The following ERCC3 variants were observed in gnomAD, a reference collection of about 807,000 sequenced individuals.
The protein encoded by ERCC3 is general transcription and DNA repair factor IIH helicase/translocase subunit XPB.
ERCC3 carries 66 observed loss-of-function variants against 94.2 expected under a neutral mutation model. That is an observed-to-expected ratio of 0.70 (90% CI 0.57 to 0.86). ERCC3 has a LOEUF of 0.86. Among genes scored for constraint, ERCC3 ranks in the 40% least tolerant of loss-of-function variants. ERCC3 has a pLI of 0.00. For synonymous variants in ERCC3, 349 were observed against 369.1 expected (o/e 0.95, Z 0.63); for missense variants, 829 against 987.1 (o/e 0.84, Z 2.15).
At position 127,289,807 on chromosome 2, in the gene ERCC3, C is replaced by T; in HGVS notation, c.539G>A (p.Cys180Tyr). Residue 180 changes from cysteine to tyrosine, a missense_variant, in exon 5 of 15, where the codon TGC becomes TAC. Transcript: ENST00000285398. ...LKHNRYFVES[C>Y]HPDVIQHLLQ... ...AAGATGCTGGATTACATCAGGGTGG[C>T]AACTTTCAACGAAGTATCTGCAAGC... 2 of 1,614,120 alleles carry T rather than the reference C, an allele frequency of 1.2e-6. No homozygotes were observed. The highest frequency in any genetic ancestry group is 8.5e-7 in the Non-Finnish European group (1 of 1,180,016).
rs55998967 is a variant in ERCC3 at position 127,291,098 on chromosome 2, A to T, written c.472-825T>A. ...CTCCGTCTCAAAAAAAAAGAAAAAA[A>T]AAATTTGCCAGTCAGACTTTGAGGG... On this transcript the variant is annotated intron_variant, in intron 3 of 14. Coordinates refer to ENST00000285398, the MANE Select transcript of ERCC3 (RefSeq NM_000122.2). The surrounding 1 kb of genome is among the most constrained non-coding windows in gnomAD (Gnocchi z 4.9). Among the ~76,000 whole-genome samples, 8 of 151,836 alleles carry T rather than the reference A, an allele frequency of 5.3e-5. No homozygotes were observed. The highest frequency in any genetic ancestry group is 1.9e-4 in the African/African-American group (8 of 41,408).
At chr2:127,270,348 T>C (rs1014810227) in intron 12 of ERCC3, among the ~76,000 whole-genome samples, 3 of 152,202 alleles carry the variant, frequency 2.0e-5, no homozygotes, top group East Asian at 1.9e-4. Flanking sequence ...TTATGACTTA[T>C]AAGCTGAATC....
rs4150399 is a variant in ERCC3 at position 127,293,805 on chromosome 2, G to A, written c.29-87C>T. 1.6e-3 allele frequency: 2,596 copies of A among 1,599,446 alleles called. 33 individuals are homozygous for A. In the African/African-American group the frequency reaches 0.03, roughly 18 times the overall value. Reference sequence around the variant, plus strand: ...TTGGCAGCATTTCACCTGCGCCGCCGCAAACTCCTAGCTAAGAGCCACCTG... The same window carrying A: ...TTGGCAGCATTTCACCTGCGCCGCCACAAACTCCTAGCTAAGAGCCACCTG... On this transcript the variant is annotated intron_variant, in intron 1 of 14. Coordinates refer to ENST00000285398, the MANE Select transcript of ERCC3 (RefSeq NM_000122.2).
At chr2:127,267,932 G>A (rs1346576956) in intron 12 of ERCC3, among the ~76,000 whole-genome samples, 1 of 151,946 alleles carries the variant, frequency 6.6e-6, no homozygotes, top group Admixed American at 6.6e-5. Context: ...AAAGAGACTG[G>A]GTCTCACTAT....
chr2:127,261,352 G>C lies in ERCC3; in HGVS notation c.1946-6C>G, dbSNP rs1684184354. ...GTACTCTTCTGCAACCATCCCTGCA[G>C]GAAAAAATGAGAAACGGCAATAAAG... is the stretch of plus-strand genomic sequence containing the variant. On this transcript the variant is annotated splice_polypyrimidine_tract_variant and splice_region_variant and intron_variant, in intron 12 of 14. Transcript: ENST00000285398. 6.5e-7 allele frequency: 1 copy of C among 1,538,728 alleles called. No individual in the cohort carries two copies. The highest frequency in any genetic ancestry group is 1.4e-5 in the African/African-American group (1 of 73,474).
At chr2:127,268,728 G>GA (rs1684457978) in intron 12 of ERCC3, among the ~76,000 whole-genome samples, 2 of 152,232 alleles carry the variant, frequency 1.3e-5, no homozygotes, top group Admixed American at 1.3e-4. Context: ...AAAGTCTGAC[G>GA]GCTATGTGCT....
rs762292664 is a variant in ERCC3 at position 127,290,667 on chromosome 2, G to C, written c.472-394C>G. 3 of 302,928 alleles carry C rather than the reference G, an allele frequency of 9.9e-6. No homozygotes were observed. The East Asian group carries it at 2.6e-4, about 26-fold the overall frequency. The allele number at this position is 302,928 out of a possible 1,614,324, so 18.8% of individuals were successfully genotyped here. On this transcript the variant is annotated intron_variant, in intron 3 of 14. Transcript: ENST00000285398. ...TAAAATGCAAAGCCTCTTCACCAAT[G>C]CTCCTATTTCCCCAAATAGAATGTA...
At chr2:127,288,149 G>A (rs959065398) in intron 7 of ERCC3, among the ~76,000 whole-genome samples, 19 of 152,128 alleles carry the variant, frequency 1.2e-4, no homozygotes, top group African/African-American at 4.1e-4. Context: ...ACTGGGATAA[G>A]TGGTCAAACA....
At chr2:127,275,082 T>C (rs1434459553) in intron 10 of ERCC3, among the ~76,000 whole-genome samples, 1 of 152,194 alleles carries the variant, frequency 6.6e-6, no homozygotes, top group East Asian at 1.9e-4. Context: ...AAGCCTCTCT[T>C]GCAAAGTGCT....
intron 4 of ERCC3, 182 bp downstream of exon 4, chr2:127,290,042 G>C (rs968671022): frequency 1.3e-6 from 1 of 762,320 alleles, no homozygotes; most frequent in Non-Finnish European, 2.3e-6. Flanking sequence ...TCCACTGCTA[G>C]AGGAAATACA....
chr2:127,282,116 G>A (rs954077297), intron 8 of ERCC3, among the ~76,000 whole-genome samples: 1 of 152,036 alleles, frequency 6.6e-6, no homozygotes. Context: ...ATGCAGCTGT[G>A]GAACCACCTA....
intron 12 of ERCC3, among the ~76,000 whole-genome samples, chr2:127,270,493 C>T (rs552530006): frequency 1.3e-5 from 2 of 152,332 alleles, no homozygotes; most frequent in African/African-American, 4.8e-5. Context: ...CTAGTCCATG[C>T]TATCTGCCTC....
At chr2:127,273,171 C>G (rs912004076) in intron 10 of ERCC3, among the ~76,000 whole-genome samples, 2 of 152,206 alleles carry the variant, frequency 1.3e-5, no homozygotes, top group African/African-American at 4.8e-5. Flanking sequence ...CCATTCTCTT[C>G]GGGATTCCCT....
chr2:127,280,351 C>G lies in ERCC3; in HGVS notation c.1527+96G>C. The G allele has an allele frequency of 8.6e-7, 1 of 1,167,172 alleles. No individual in the cohort carries two copies. Among genetic ancestry groups the G allele is most frequent in the Admixed American group, 2.0e-5 (1 of 50,644 alleles). The allele number at this position is 1,167,172 out of a possible 1,614,324, so 72.3% of individuals were successfully genotyped here. A position where few individuals can be genotyped will look rare whatever the true frequency, so the allele number is the denominator to read the frequency against. On this transcript the variant is annotated intron_variant, in intron 9 of 14. Coordinates refer to ENST00000285398, the MANE Select transcript of ERCC3 (RefSeq NM_000122.2). This position sits in a 1 kb window ranked among gnomAD's most constrained non-coding sequence, Gnocchi z 6.3. ...GAAGTGGTAGCAGGTGAGCCTAAGT[C>G]CTGACCTGTGTCTGCCCATGAGGAA...
At chr2:127,273,049 GCTCTT>G (rs1303293374) in intron 10 of ERCC3, 88 bp from the exon 11 acceptor site, 18 of 856,944 alleles carry the variant, frequency 2.1e-5, no homozygotes, top group African/African-American at 3.4e-5. Flanking sequence ...GCTCAGGCTA[GCTCTT>G]CTCAAGTAGA....
rs1434483229 is a variant in ERCC3 at position 127,277,488 on chromosome 2, G to A, written c.1730+1685C>T. ...AGGCAGATCACGAGGTCAAGAGATC[G>A]AGACCATCCTGGCCAATATGGTGAA... is the stretch of plus-strand genomic sequence containing the variant. On this transcript the variant is annotated intron_variant, in intron 10 of 14. Coordinates refer to ENST00000285398, the MANE Select transcript of ERCC3 (RefSeq NM_000122.2). The surrounding 1 kb of genome is among the most constrained non-coding windows in gnomAD (Gnocchi z 5.1). Among the ~76,000 whole-genome samples, 1 of 152,062 alleles carries A rather than the reference G, an allele frequency of 6.6e-6. No individual in the cohort carries two copies.
At chr2:127,272,725 A>G (rs559972582) in intron 11 of ERCC3, 140 bp downstream of exon 11, 7 of 676,324 alleles carry the variant, frequency 1.0e-5, no homozygotes, top group Non-Finnish European at 1.9e-5. Flanking sequence ...AGTGCCCCCT[A>G]TCCCTGGACA....
rs1684760991 is a variant in ERCC3 at position 127,277,290 on chromosome 2, T to C, written c.1730+1883A>G. ...AAATTACCTGACCCTACTGAGTTTATGGTTATGTGAAGACTTTGGAGGGGA... is the reference window on the plus strand; with the variant it reads ...AAATTACCTGACCCTACTGAGTTTACGGTTATGTGAAGACTTTGGAGGGGA... On this transcript the variant is annotated intron_variant, in intron 10 of 14. Coordinates refer to ENST00000285398, the MANE Select transcript of ERCC3 (RefSeq NM_000122.2). This position sits in a 1 kb window ranked among gnomAD's most constrained non-coding sequence, Gnocchi z 5.1. Among the ~76,000 whole-genome samples the C allele has an allele frequency of 6.6e-6, 1 of 152,116 alleles. No homozygotes were observed. Among genetic ancestry groups the C allele is most frequent in the Admixed American group, 6.5e-5 (1 of 15,278 alleles).
At chr2:127,268,549 C>T (rs12617858) in intron 12 of ERCC3, among the ~76,000 whole-genome samples, 30,409 of 152,110 alleles carry the variant, frequency 0.2, 3,275 homozygotes, top group South Asian at 0.34. Flanking sequence ...AGGTGTGAGC[C>T]GCCGTGCCCA....
Sources: allele counts gnomAD v4.1 joint callset (sites outside exome capture counted in the v4.1 genomes callset), GRCh38; gene constraint gnomAD v4.1.1; non-coding constraint Gnocchi (gnomAD v3.1); transcripts MANE v1.5; gene names NCBI Gene and HGNC (gene_info 2026-07-23, HGNC 2026-07-21).